The following MAN1A1 variants were observed in gnomAD, a reference collection of about 807,000 sequenced individuals.
MAN1A1 encodes the protein mannosidase alpha class 1A member 1.
A neutral mutation model predicts 70.8 loss-of-function variants in MAN1A1; 29 were observed. The ratio of observed to expected loss-of-function variants is 0.41; its 90% CI spans 0.31 to 0.56. MAN1A1 has a LOEUF of 0.56. Ranked by LOEUF, MAN1A1 falls within the 20% of genes least tolerant of loss-of-function variation. MAN1A1 has a pLI of 0.29. For missense variants in MAN1A1, 747 were observed against 841.3 expected (o/e 0.89, Z 1.39); for synonymous variants, 349 against 330.1 (o/e 1.06, Z -0.62).
intron 5 of MAN1A1, among the ~76,000 whole-genome samples, chr6:119,257,423 T>C (rs1381380058): frequency 6.6e-6 from 1 of 152,144 alleles, no homozygotes; most frequent in Non-Finnish European, 1.5e-5. Context: ...ATCAAGGTTA[T>C]GAGAAATAGG....
At chr6:119,196,132 T>C (rs1054347730) in intron 8 of MAN1A1, among the ~76,000 whole-genome samples, 2 of 152,280 alleles carry the variant, frequency 1.3e-5, no homozygotes, top group Admixed American at 6.5e-5. Context: ...TGAAAACCAA[T>C]GGCCAGAAGC....
chr6:119,279,156 T>C (rs1289675279), intron 5 of MAN1A1, among the ~76,000 whole-genome samples: 1 of 152,192 alleles, frequency 6.6e-6, no homozygotes, highest in Non-Finnish European at 1.5e-5. Context: ...TCCCACCATA[T>C]AGCCTTAACT....
intron 5 of MAN1A1, among the ~76,000 whole-genome samples, chr6:119,267,128 C>T (rs1446851012): frequency 6.6e-6 from 1 of 152,228 alleles, no homozygotes; most frequent in African/African-American, 2.4e-5. Flanking sequence ...AACTTTCATT[C>T]ATTTCAGGTG....
At chr6:119,273,888 C>G (rs546901837) in intron 5 of MAN1A1, among the ~76,000 whole-genome samples, 2 of 152,260 alleles carry the variant, frequency 1.3e-5, no homozygotes, top group East Asian at 3.9e-4. Context: ...GATTCAGCAA[C>G]TATCTGGACA....
At chr6:119,324,365 A>T (rs894816266) in intron 2 of MAN1A1, among the ~76,000 whole-genome samples, 3 of 152,234 alleles carry the variant, frequency 2.0e-5, no homozygotes, top group Non-Finnish European at 4.4e-5. Context: ...GCTTATGTTT[A>T]GTCAGTAAGG....
intron 11 of MAN1A1, among the ~76,000 whole-genome samples, chr6:119,186,420 A>G (rs3819722): frequency 0.21 from 31,885 of 152,080 alleles, 3,557 homozygotes; most frequent in East Asian, 0.31. Flanking sequence ...CAAGTGGGAA[A>G]AGCAAAACAG....
intron 5 of MAN1A1, among the ~76,000 whole-genome samples, chr6:119,254,968 T>C (rs942545290): frequency 1.3e-5 from 2 of 152,236 alleles, no homozygotes; most frequent in Admixed American, 6.5e-5. Flanking sequence ...GTCTTATTGC[T>C]GTTTTTGATC....
chr6:119,300,261 GTT>G (rs34460585), intron 4 of MAN1A1, among the ~76,000 whole-genome samples: 3 of 142,984 alleles, frequency 2.1e-5, no homozygotes, highest in Admixed American at 7.0e-5. Flanking sequence ...TTTTGTTTTT[GTT>G]TTTTTTTTTT....
chr6:119,201,287 A>G lies in MAN1A1; in HGVS notation c.1177T>C (p.Tyr393His). The change falls in exon 8 of 13, where the codon TAT becomes CAT. Residue 393 changes from tyrosine (Y) to histidine (H), a missense_variant. By Grantham distance (83) the Tyr-to-His change is moderately conservative. This residue lies in a region of MAN1A1 where 419 missense variants were observed against 548.2 expected (regional missense o/e 0.76). Coordinates refer to ENST00000368468, the MANE Select transcript of MAN1A1 (RefSeq NM_005907.4). ...LEKPQGLYPN[Y>H]LNPSSGQWGQ... ...CACTGTCCACTACTGGGATTCAGAT[A>G]GTTAGGATAAAGGCCTTGTGGTTTT... is the stretch of plus-strand genomic sequence containing the variant. 6.2e-7 allele frequency: 1 copy of G among 1,613,610 alleles called. No homozygotes were observed. Among genetic ancestry groups the G allele is most frequent in the African/African-American group, 1.3e-5 (1 of 75,046 alleles).
chr6:119,347,549 C>T (rs1773763414), intron 2 of MAN1A1, among the ~76,000 whole-genome samples: 2 of 152,172 alleles, frequency 1.3e-5, no homozygotes, highest in South Asian at 2.1e-4. Flanking sequence ...GGAGGCATGT[C>T]CACAGACCGC....
Position 119,290,945 on chromosome 6 carries a change from G to A in MAN1A1, c.817-182C>T, listed in dbSNP as rs1045651993. Among the ~76,000 whole-genome samples the A allele has an allele frequency of 7.9e-5, 12 of 151,994 alleles. No individual in the cohort carries two copies. The Middle Eastern group carries it at 0.01, about 129-fold the overall frequency. ...TATTAAATATCACTGTGCATTATAC[G>A]TATCGAAACATCACTAACGGACCCC... On this transcript the variant is annotated intron_variant, in intron 4 of 12. Transcript: ENST00000368468.
At chr6:119,202,960 G>A (rs1773755532) in intron 7 of MAN1A1, among the ~76,000 whole-genome samples, 1 of 150,198 alleles carries the variant, frequency 6.7e-6, no homozygotes, top group Non-Finnish European at 1.5e-5. Context: ...TGGGATTAGT[G>A]CCCTCATGAG....
chr6:119,286,980 T>C (rs944379400), intron 5 of MAN1A1, among the ~76,000 whole-genome samples: 5 of 152,258 alleles, frequency 3.3e-5, no homozygotes, highest in African/African-American at 4.8e-5. Flanking sequence ...GATTTCCTGT[T>C]CAGGAATTAT....
chr6:119,241,032 G>A (rs1373828337), intron 6 of MAN1A1, among the ~76,000 whole-genome samples: 4 of 152,108 alleles, frequency 2.6e-5, no homozygotes, highest in Admixed American at 1.3e-4. Context: ...GCTACAAAGT[G>A]TGACTTTATG....
intron 5 of MAN1A1, among the ~76,000 whole-genome samples, chr6:119,284,907 C>G (rs1230033562): frequency 6.6e-6 from 1 of 151,976 alleles, no homozygotes; most frequent in Non-Finnish European, 1.5e-5. Context: ...CTATATTAGT[C>G]TGTTTTGTGT....
chr6:119,238,900 A>T (rs1020257464), intron 6 of MAN1A1, among the ~76,000 whole-genome samples: 7 of 151,968 alleles, frequency 4.6e-5, no homozygotes, highest in African/African-American at 1.2e-4. Context: ...TATTATTATT[A>T]TTATTTTTGA....
intron 6 of MAN1A1, among the ~76,000 whole-genome samples, chr6:119,223,793 G>A (rs1774431474): frequency 6.6e-6 from 1 of 151,988 alleles, no homozygotes; most frequent in South Asian, 2.1e-4. Flanking sequence ...TCTAGTAATG[G>A]TGAAGAAAAT....
intron 6 of MAN1A1, among the ~76,000 whole-genome samples, chr6:119,214,791 C>T (rs1465248266): frequency 6.6e-6 from 1 of 152,192 alleles, no homozygotes; most frequent in African/African-American, 2.4e-5. Context: ...CAGGCATGAA[C>T]TACCACACTT....
intron 11 of MAN1A1, among the ~76,000 whole-genome samples, chr6:119,186,815 G>A (rs140308728): frequency 5.3e-5 from 8 of 152,132 alleles, no homozygotes; most frequent in Non-Finnish European, 1.0e-4. Flanking sequence ...CCATGCCTTC[G>A]AAGTCCCAGT....
Sources: gnomAD v4.1 joint callset for allele counts (sites outside exome capture counted in the v4.1 genomes callset) on GRCh38, gnomAD v4.1.1 for gene constraint, gnomAD v4.1.1 regional missense constraint, MANE v1.5 for transcripts, NCBI Gene and HGNC (gene_info 2026-07-23, HGNC 2026-07-21) for gene names.